RBFOX1: variants seen among roughly 807,000 people sequenced by gnomAD.
The protein encoded by RBFOX1 is RNA binding fox-1 homolog 1.
RBFOX1 carries 8 observed loss-of-function variants against 57.7 expected under a neutral mutation model. The ratio of observed to expected loss-of-function variants is 0.14; its 90% CI spans 0.08 to 0.25. The LOEUF (loss-of-function observed/expected upper bound fraction) is 0.25. Ranked by LOEUF, RBFOX1 falls within the 10% of genes least tolerant of loss-of-function variation. The pLI is 1.00. For synonymous variants in RBFOX1, 326 were observed against 222.4 expected, an observed-to-expected ratio of 1.47 and a Z score of -4.15; for missense variants, 611 against 548.5, an observed-to-expected ratio of 1.11 and a Z score of -1.14.
chr16:7,189,383 G>T (rs927052731), intron 4 of RBFOX1, among the ~76,000 whole-genome samples: 2 of 130,320 alleles, frequency 1.5e-5, no homozygotes, highest in African/African-American at 5.7e-5. Flanking sequence ...CTGAGATCGC[G>T]CCACTGCACT....
chr16:7,000,823 C>G (rs990262661), intron 3 of RBFOX1, among the ~76,000 whole-genome samples: 1 of 151,936 alleles, frequency 6.6e-6, no homozygotes, highest in Non-Finnish European at 1.5e-5. Context: ...AGGATGCTCT[C>G]GATCTCCTGA....
intron 2 of RBFOX1, among the ~76,000 whole-genome samples, chr16:6,362,426 G>A (rs147710860): frequency 5.3e-4 from 81 of 152,226 alleles, no homozygotes; most frequent in Non-Finnish European, 2.2e-4. Flanking sequence ...ATAATACATG[G>A]TCAGGGGTTC....
rs115725935 is a variant in RBFOX1, at chr16:5,985,547, G to A, written c.351+118212G>A. Among the ~76,000 whole-genome samples the A allele has an allele frequency of 2.6e-3, 390 of 152,330 alleles. 2 individuals carry two copies. The highest frequency in any genetic ancestry group is 9.1e-3 in the African/African-American group (377 of 41,586). On this transcript the variant is annotated intron_variant, in intron 4 of 19. Transcript: ENST00000641259. ...TTACTTTTGCACCCATCTAATAGCA[G>A]AGGGAAGGTTCAAACCCAGGCAGCC... is the stretch of plus-strand genomic sequence containing the variant.
intron 2 of RBFOX1, among the ~76,000 whole-genome samples, chr16:6,523,223 C>A (rs1006606086): frequency 2.0e-5 from 3 of 151,644 alleles, no homozygotes; most frequent in African/African-American, 7.3e-5. Context: ...TGATAAAGAG[C>A]AAGTACTTGG....
chr16:7,022,678 T>C (rs769611517), intron 3 of RBFOX1, among the ~76,000 whole-genome samples: 1 of 151,972 alleles, frequency 6.6e-6, no homozygotes, highest in African/African-American at 2.4e-5. Context: ...ATGTAGCAGA[T>C]GAAAGCAGAA....
At chr16:6,546,708 T>C (rs2096901104) in intron 2 of RBFOX1, among the ~76,000 whole-genome samples, 1 of 152,080 alleles carries the variant, frequency 6.6e-6, no homozygotes, top group South Asian at 2.1e-4. Context: ...AAGGTCACAT[T>C]ACCAGGTACC....
intron 2 of RBFOX1, among the ~76,000 whole-genome samples, chr16:6,590,437 G>C (rs1448050942): frequency 6.6e-6 from 1 of 152,136 alleles, no homozygotes; most frequent in Admixed American, 6.5e-5. Flanking sequence ...AGGTGGTATA[G>C]AATTCCATGC....
chr16:6,489,078 T>C (rs549300228), intron 2 of RBFOX1, among the ~76,000 whole-genome samples: 2 of 152,316 alleles, frequency 1.3e-5, no homozygotes, highest in Admixed American at 6.5e-5. Context: ...TTTATAAATA[T>C]GGCATGGGTC....
chr16:6,657,806 G>A (rs759548556), intron 3 of RBFOX1, among the ~76,000 whole-genome samples: 2 of 152,018 alleles, frequency 1.3e-5, no homozygotes, highest in Non-Finnish European at 2.9e-5. Context: ...AGAACTGGTG[G>A]TGCTTTCTTT....
intron 3 of RBFOX1, among the ~76,000 whole-genome samples, chr16:6,882,531 G>T (rs541990619): frequency 6.6e-6 from 1 of 152,210 alleles, no homozygotes; most frequent in South Asian, 2.1e-4. Flanking sequence ...GAGGCAGGGA[G>T]GTTGCAGTGA....
intron 3 of RBFOX1, among the ~76,000 whole-genome samples, chr16:6,940,953 C>T (rs1029399316): frequency 3.3e-5 from 5 of 151,232 alleles, no homozygotes; most frequent in South Asian, 2.1e-4. Flanking sequence ...GTGATCCATC[C>T]GTCTTGGCCT....
At chr16:6,750,190 A>T (rs1011979460) in intron 3 of RBFOX1, among the ~76,000 whole-genome samples, 8 of 152,214 alleles carry the variant, frequency 5.3e-5, no homozygotes, top group South Asian at 2.1e-4. Flanking sequence ...AAGGAAAAAG[A>T]AATAGCAAAA....
chr16:5,812,702 T>C (rs902008811), intron 3 of RBFOX1, among the ~76,000 whole-genome samples: 1 of 152,142 alleles, frequency 6.6e-6, no homozygotes, highest in Non-Finnish European at 1.5e-5. Context: ...CCTCAAGCAG[T>C]CCTTTCACCT....
At chr16:5,287,191 G>C (rs1196985065) in intron 1 of RBFOX1, among the ~76,000 whole-genome samples, 1 of 152,096 alleles carries the variant, frequency 6.6e-6, no homozygotes, top group Non-Finnish European at 1.5e-5. Flanking sequence ...TGTAGTCCTA[G>C]CTATGTAGGA....
intron 1 of RBFOX1, among the ~76,000 whole-genome samples, chr16:6,204,570 A>G (rs1461341697): frequency 6.6e-6 from 1 of 152,220 alleles, no homozygotes; most frequent in Non-Finnish European, 1.5e-5. Context: ...GAACCCAGGC[A>G]TAGAAGTGGG....
chr16:5,452,708 G>T (rs1406780947), intron 1 of RBFOX1, among the ~76,000 whole-genome samples: 1 of 151,324 alleles, frequency 6.6e-6, no homozygotes, highest in African/African-American at 2.4e-5. Flanking sequence ...CAATGGCGTG[G>T]TCCTGGCTCA....
chr16:6,988,604 G>C (rs867368384), intron 3 of RBFOX1, among the ~76,000 whole-genome samples: 1 of 150,834 alleles, frequency 6.6e-6, no homozygotes, highest in Admixed American at 6.6e-5. Context: ...ACCGAGTCTT[G>C]CTCTGTCCCC....
At chr16:6,642,230 T>C (rs1034732873) in intron 2 of RBFOX1, among the ~76,000 whole-genome samples, 1 of 152,210 alleles carries the variant, frequency 6.6e-6, no homozygotes, top group Non-Finnish European at 1.5e-5. Flanking sequence ...GCTGAGAGTT[T>C]GCAGCTGACA....
At chr16:7,462,247 A>C (rs2059712678) in intron 4 of RBFOX1, among the ~76,000 whole-genome samples, 1 of 152,192 alleles carries the variant, frequency 6.6e-6, no homozygotes, top group African/African-American at 2.4e-5. Flanking sequence ...GTAACAAATC[A>C]CCACAAATTT....
Sources: gnomAD v4.1 joint callset for allele counts (sites outside exome capture counted in the v4.1 genomes callset) on GRCh38, gnomAD v4.1.1 for gene constraint, MANE v1.5 for transcripts, NCBI Gene and HGNC (gene_info 2026-07-23, HGNC 2026-07-21) for gene names.